Variants in ADAMTS12 observed in about 807,000 individuals in gnomAD.
ADAMTS12 encodes ADAM metallopeptidase with thrombospondin type 1 motif 12, also known as A disintegrin and metalloproteinase with thrombospondin motifs 12.
A neutral mutation model predicts 167.8 loss-of-function variants in ADAMTS12; 118 were observed. The ratio of observed to expected loss-of-function variants is 0.70; its 90% CI spans 0.61 to 0.82. The LOEUF (loss-of-function observed/expected upper bound fraction) is 0.82, where lower values mean the gene tolerates loss of function less well. Among genes scored for constraint, ADAMTS12 ranks in the 40% least tolerant of loss-of-function variants. The pLI, the probability that ADAMTS12 is intolerant of heterozygous loss-of-function variation, is 0.00. For synonymous variants in ADAMTS12, 704 were observed against 716.9 expected (o/e 0.98, Z 0.29); for missense variants, 1,916 against 1,998.8 (o/e 0.96, Z 0.79).
chr5:33,847,054 G>A (rs907283706), intron 2 of ADAMTS12, among the ~76,000 whole-genome samples: 1 of 152,168 alleles, frequency 6.6e-6, no homozygotes, highest in African/African-American at 2.4e-5. Flanking sequence ...GTTCCAGAAA[G>A]GGAAAACAAA....
intron 2 of ADAMTS12, among the ~76,000 whole-genome samples, chr5:33,810,186 G>C (rs1747401543): frequency 6.6e-6 from 1 of 152,038 alleles, no homozygotes; most frequent in African/African-American, 2.4e-5. Context: ...TGGGTAAACA[G>C]AACACTCATC....
At chr5:33,605,297 A>G (rs1561162374) in intron 16 of ADAMTS12, among the ~76,000 whole-genome samples, 1 of 152,200 alleles carries the variant, frequency 6.6e-6, no homozygotes, top group African/African-American at 2.4e-5. Context: ...CCACTGTATT[A>G]TTTCCCTTGA....
intron 9 of ADAMTS12, 30 bp from the exon 10 acceptor site, chr5:33,643,500 T>A (rs746116703): frequency 6.2e-7 from 1 of 1,601,250 alleles, no homozygotes; most frequent in Non-Finnish European, 8.6e-7. Context: ...TCTTTTGTAT[T>A]TTCAAAACCT....
At chr5:33,831,611 A>G (rs971958297) in intron 2 of ADAMTS12, among the ~76,000 whole-genome samples, 6 of 152,180 alleles carry the variant, frequency 3.9e-5, no homozygotes, top group Non-Finnish European at 8.8e-5. Flanking sequence ...CTCCTTCTAG[A>G]TGATTCATTA....
chr5:33,621,200 C>A (rs575588782), intron 14 of ADAMTS12, among the ~76,000 whole-genome samples: 3 of 152,094 alleles, frequency 2.0e-5, no homozygotes, highest in Admixed American at 1.3e-4. Context: ...GAGTTTGAGA[C>A]CAGCCTGGCC....
intron 19 of ADAMTS12, among the ~76,000 whole-genome samples, chr5:33,574,725 T>C (rs1373748968): frequency 6.6e-6 from 1 of 152,132 alleles, no homozygotes; most frequent in African/African-American, 2.4e-5. Context: ...TGTGCACATG[T>C]ACCCTAAAAC....
At position 33,731,613 on chromosome 5, in the gene ADAMTS12, C is replaced by T. The variant is rs972718113; in HGVS notation, c.634+19791G>A. Reference sequence around the variant, plus strand: ...TCAAATCCTAGGACATCAGGAAAGGCAGAAAGGAGCAAACAATTAAGGATT... The same window carrying T: ...TCAAATCCTAGGACATCAGGAAAGGTAGAAAGGAGCAAACAATTAAGGATT... On this transcript the variant is annotated intron_variant, in intron 3 of 23. Coordinates refer to ENST00000504830, the MANE Select transcript of ADAMTS12 (RefSeq NM_030955.4). Among the ~76,000 whole-genome samples the T allele has an allele frequency of 3.3e-5, 5 of 152,268 alleles. No homozygotes were observed. The East Asian group carries it at 9.7e-4, about 29-fold the overall frequency.
chr5:33,763,643 A>G (rs966282506), intron 2 of ADAMTS12, among the ~76,000 whole-genome samples: 1 of 152,236 alleles, frequency 6.6e-6, no homozygotes, highest in Non-Finnish European at 1.5e-5. Flanking sequence ...AAGGTCCATG[A>G]CATTAGGGCA....
At chr5:33,771,291 C>T (rs1741815663) in intron 2 of ADAMTS12, among the ~76,000 whole-genome samples, 2 of 152,078 alleles carry the variant, frequency 1.3e-5, no homozygotes. Context: ...AGGAATCTGT[C>T]CCCTGAAAAA....
At chr5:33,604,788 G>A (rs973239740) in intron 16 of ADAMTS12, among the ~76,000 whole-genome samples, 1 of 152,026 alleles carries the variant, frequency 6.6e-6, no homozygotes, top group Non-Finnish European at 1.5e-5. Flanking sequence ...AGAAAGGGTG[G>A]GGTGCATACA....
chr5:33,776,929 A>C (rs1269370533), intron 2 of ADAMTS12, among the ~76,000 whole-genome samples: 1 of 152,158 alleles, frequency 6.6e-6, no homozygotes. Context: ...AACCTAAAAG[A>C]AATGGATAAA....
chr5:33,612,802 G>T (rs1738792146), intron 16 of ADAMTS12, among the ~76,000 whole-genome samples: 2 of 152,290 alleles, frequency 1.3e-5, no homozygotes, highest in South Asian at 2.1e-4. Context: ...TGGCAGGACT[G>T]ACTCTCCTAT....
chr5:33,794,611 G>GACAGT (rs1746702239), intron 2 of ADAMTS12, among the ~76,000 whole-genome samples: 4 of 150,246 alleles, frequency 2.7e-5, no homozygotes, highest in Admixed American at 2.6e-4. Context: ...GGTGCAGGTA[G>GACAGT]GCACGGCACT....
chr5:33,817,712 A>T (rs576841769), intron 2 of ADAMTS12, among the ~76,000 whole-genome samples: 19 of 148,722 alleles, frequency 1.3e-4, no homozygotes, highest in Admixed American at 7.3e-4. Context: ...ATTCTCTTTT[A>T]AAAAAAAATA....
At chr5:33,646,814 AAT>A (rs376828917) in intron 9 of ADAMTS12, among the ~76,000 whole-genome samples, 35 of 152,252 alleles carry the variant, frequency 2.3e-4, no homozygotes, top group African/African-American at 8.0e-4. Context: ...TTGCAAAATA[AAT>A]ATGTCACATA....
chr5:33,527,312 G>A lies in ADAMTS12; in HGVS notation c.4661C>T (p.Ala1554Val). The A allele has an allele frequency of 1.2e-6, 2 of 1,614,128 alleles. No homozygotes were observed. Among genetic ancestry groups the A allele is most frequent in the Non-Finnish European group, 1.7e-6 (2 of 1,180,016 alleles). ...LSASFCQTLK[A>V]MKKCSVPTVR... ...GGTGGGCACAGAACATTTCTTCATG[G>A]CTTTCAGTGTCTGGCAGAAACTGGC... The change falls in exon 24 of 24, where the codon GCC (alanine) becomes GTC (valine). Residue 1554 changes from alanine to valine, a missense_variant. By Grantham distance (64) the Ala-to-Val change is moderately conservative. Transcript: ENST00000504830.
chr5:33,659,055 G>A (rs757613599), intron 6 of ADAMTS12, among the ~76,000 whole-genome samples: 1 of 152,172 alleles, frequency 6.6e-6, no homozygotes, highest in African/African-American at 2.4e-5. Flanking sequence ...TGCCAAGAGG[G>A]ACTAGCAGAA....
intron 5 of ADAMTS12, among the ~76,000 whole-genome samples, chr5:33,681,223 A>T (rs1742099299): frequency 6.6e-6 from 1 of 152,198 alleles, no homozygotes; most frequent in Admixed American, 6.5e-5. Flanking sequence ...GTTACAGGGG[A>T]AAGAAGAAAA....
In ADAMTS12 at chr5:33,551,075, G is replaced by A. The variant is rs553514903; in HGVS notation, c.4126-1692C>T. Reference sequence around the variant, plus strand: ...TTGCTGTAAGGTATATTTTCATCTGGCTCTTCTCTCTGAAGGGTAAAAGAC... The same window carrying A: ...TTGCTGTAAGGTATATTTTCATCTGACTCTTCTCTCTGAAGGGTAAAAGAC... On this transcript the variant is annotated intron_variant, in intron 20 of 23. Coordinates refer to ENST00000504830, the MANE Select transcript of ADAMTS12 (RefSeq NM_030955.4). Among the ~76,000 whole-genome samples the A allele has an allele frequency of 4.6e-5, 7 of 152,234 alleles. No individual in the cohort carries two copies. The South Asian group carries it at 8.3e-4, about 18-fold the overall frequency.
Sources: gnomAD v4.1 joint callset for allele counts (sites outside exome capture counted in the v4.1 genomes callset) on GRCh38, gnomAD v4.1.1 for gene constraint, MANE v1.5 for transcripts, NCBI Gene and HGNC (gene_info 2026-07-23, HGNC 2026-07-21) for gene names.